The following TP63 variants were observed in gnomAD, a reference collection of about 807,000 sequenced individuals.
TP63 encodes the protein tumor protein p63.
A neutral mutation model predicts 82.8 loss-of-function variants in TP63; 17 were observed. The observed-to-expected ratio is 0.21, with a 90% CI of 0.14 to 0.31. The LOEUF is 0.31. TP63 is among the 10% of genes least tolerant of loss of function. The probability of loss-of-function intolerance (pLI) is 1.00; values close to 1 mark genes in which losing one functional copy is unlikely to be tolerated. For missense variants in TP63, 648 were observed against 895.3 expected (o/e 0.72, Z 3.52); for synonymous variants, 330 against 321.7 (o/e 1.03, Z -0.28).
At chr3:189,654,670 A>C (rs758468429) in intron 1 of TP63, among the ~76,000 whole-genome samples, 1 of 152,216 alleles carries the variant, frequency 6.6e-6, no homozygotes, top group Non-Finnish European at 1.5e-5. Context: ...ACCCTAAAAA[A>C]TGATTAATGG....
intron 3 of TP63, among the ~76,000 whole-genome samples, chr3:189,775,701 A>G (rs1723743093): frequency 6.6e-6 from 1 of 152,200 alleles, no homozygotes; most frequent in African/African-American, 2.4e-5. Flanking sequence ...TAAGGCCCAA[A>G]CATAGAAGTG....
At position 189,851,338 on chromosome 3, in the gene TP63, CG is replaced by C. The variant is rs1172770980; in HGVS notation, c.580-12893del. Reference sequence around the variant, plus strand: ...CTTTGGGAGGCCGAGGCAGGTAGATCGCTTGAGCCCAAAGAGTGAGAGACCA... The same window carrying C: ...CTTTGGGAGGCCGAGGCAGGTAGATCCTTGAGCCCAAAGAGTGAGAGACCA... On this transcript the variant is annotated intron_variant, in intron 4 of 13. Coordinates refer to ENST00000264731, the MANE Select transcript of TP63 (RefSeq NM_003722.5). Among the ~76,000 whole-genome samples, 4 of 152,180 alleles carry C rather than the reference CG, an allele frequency of 2.6e-5. No homozygotes were observed. In the East Asian group the frequency reaches 7.7e-4, roughly 29 times the overall value.
intron 3 of TP63, among the ~76,000 whole-genome samples, chr3:189,755,085 A>G (rs1366668561): frequency 1.3e-5 from 2 of 152,116 alleles, no homozygotes; most frequent in Non-Finnish European, 2.9e-5. Flanking sequence ...AATCTTTATG[A>G]GCTGCTTCTT....
intron 8 of TP63, 88 bp downstream of exon 8, chr3:189,868,804 A>T (rs1307203718): frequency 3.7e-6 from 6 of 1,606,284 alleles, no homozygotes; most frequent in Non-Finnish European, 5.1e-6. Flanking sequence ...CTGCATGATA[A>T]GACCTGTGAC....
the TP63 span, among the ~76,000 whole-genome samples, chr3:189,620,517 C>CAA: frequency 1.1e-5 from 1 of 92,614 alleles, no homozygotes; most frequent in Non-Finnish European, 2.1e-5. Flanking sequence ...AAAAAAAAAA[C>CAA]AAAAAAAAAA....
chr3:189,877,407 T>G (rs538948361), intron 10 of TP63, among the ~76,000 whole-genome samples: 1 of 152,346 alleles, frequency 6.6e-6, no homozygotes, highest in South Asian at 2.1e-4. Flanking sequence ...ATCAGTACTA[T>G]TTCTTTTTTC....
At chr3:189,667,715 G>A (rs1267473945) in intron 1 of TP63, among the ~76,000 whole-genome samples, 3 of 152,066 alleles carry the variant, frequency 2.0e-5, no homozygotes, top group African/African-American at 7.2e-5. Flanking sequence ...CAGCTAGAGT[G>A]CAAAAATCTT....
chr3:189,879,326 G>C (rs1719644162), intron 10 of TP63, among the ~76,000 whole-genome samples: 1 of 152,174 alleles, frequency 6.6e-6, no homozygotes, highest in African/African-American at 2.4e-5. Context: ...CAAAATAAAA[G>C]GGTTTATTTC....
At chr3:189,731,360 A>G (rs1720162061) in intron 1 of TP63, among the ~76,000 whole-genome samples, 1 of 152,216 alleles carries the variant, frequency 6.6e-6, no homozygotes, top group African/African-American at 2.4e-5. Flanking sequence ...AAAGAAAAAA[A>G]AAGAACACTT....
intron 1 of TP63, among the ~76,000 whole-genome samples, chr3:189,633,704 G>A (rs1187126216): frequency 2.6e-5 from 4 of 152,012 alleles, no homozygotes; most frequent in Non-Finnish European, 4.4e-5. Context: ...GTTCAGAATG[G>A]CCAGGGAGCA....
At chr3:189,827,945 A>G (rs897407396) in intron 4 of TP63, among the ~76,000 whole-genome samples, 7 of 152,138 alleles carry the variant, frequency 4.6e-5, no homozygotes, top group African/African-American at 1.7e-4. Flanking sequence ...AATATTTTAG[A>G]TAAGAGATAT....
At chr3:189,727,989 A>G (rs1487715821) in intron 1 of TP63, among the ~76,000 whole-genome samples, 1 of 152,204 alleles carries the variant, frequency 6.6e-6, no homozygotes, top group African/African-American at 2.4e-5. Flanking sequence ...TGAATTTAGT[A>G]TAGTAGAGCG....
intron 3 of TP63, among the ~76,000 whole-genome samples, chr3:189,740,571 C>G (rs1720910504): frequency 1.3e-5 from 2 of 151,488 alleles, no homozygotes; most frequent in Admixed American, 1.3e-4. Context: ...GCAATCTAGG[C>G]TCACTGCAAC....
intron 1 of TP63, among the ~76,000 whole-genome samples, chr3:189,706,788 G>A (rs528344552): frequency 6.1e-4 from 93 of 152,282 alleles, no homozygotes; most frequent in Non-Finnish European, 1.2e-3. Flanking sequence ...ATAGATAAGG[G>A]AGGATCACAG....
At chr3:189,884,508 A>G (rs1720238844) in intron 10 of TP63, among the ~76,000 whole-genome samples, 1 of 152,158 alleles carries the variant, frequency 6.6e-6, no homozygotes, top group South Asian at 2.1e-4. Flanking sequence ...ACCCATATGT[A>G]TATTTGGAAT....
intron 3 of TP63, among the ~76,000 whole-genome samples, chr3:189,745,901 AT>A (rs1466318984): frequency 6.6e-6 from 1 of 151,916 alleles, no homozygotes; most frequent in Non-Finnish European, 1.5e-5. Flanking sequence ...ATTAAAAAAA[AT>A]CAAAGCATAC....
At chr3:189,866,961 A>G (rs183877476) in intron 6 of TP63, among the ~76,000 whole-genome samples, 164 bp downstream of exon 6, 4 of 152,306 alleles carry the variant, frequency 2.6e-5, no homozygotes, top group Admixed American at 2.6e-4. Flanking sequence ...TGTTCTCCAC[A>G]TGCTTTCCCT....
Position 189,738,636 on chromosome 3 carries a change from T to C in TP63, c.192-6T>C. On this transcript the variant is annotated splice_polypyrimidine_tract_variant and splice_region_variant and intron_variant, in intron 2 of 13. Transcript: ENST00000264731. ...CTAACTCACTTTTTTCTTTCCTATG[T>C]GTTAGGCCTATATGTTCAGTTCAGC... The C allele has an allele frequency of 6.2e-7, 1 of 1,614,072 alleles. No homozygotes were observed. Among genetic ancestry groups the C allele is most frequent in the Non-Finnish European group, 8.5e-7 (1 of 1,179,980 alleles).
At chr3:189,605,236 G>T in the TP63 span, among the ~76,000 whole-genome samples, 1 of 152,140 alleles carries the variant, frequency 6.6e-6, no homozygotes, top group Non-Finnish European at 1.5e-5. Context: ...TATAATTTCA[G>T]GCCACTGATT....
Sources: gnomAD v4.1 joint callset for allele counts (sites outside exome capture counted in the v4.1 genomes callset) on GRCh38, gnomAD v4.1.1 for gene constraint, MANE v1.5 for transcripts, NCBI Gene and HGNC (gene_info 2026-07-23, HGNC 2026-07-21) for gene names.